DIAPH2: variants seen among roughly 807,000 people sequenced by gnomAD.
DIAPH2 encodes protein diaphanous homolog 2.
Under a neutral mutation model 92.7 loss-of-function variants are expected in DIAPH2, and 35 were observed. The observed-to-expected ratio is 0.38, with a 90% confidence interval of 0.29 to 0.50. The LOEUF is 0.50. Ranked by LOEUF, DIAPH2 falls within the 20% of genes least tolerant of loss-of-function variation. DIAPH2 has a pLI of 0.94. For missense variants in DIAPH2, 701 were observed against 819.5 expected (o/e 0.86, Z 1.77); for synonymous variants, 301 against 280.4 (o/e 1.07, Z -0.73).
At chrX:97,084,158 C>G (rs1347917305) in intron 19 of DIAPH2, among the ~76,000 whole-genome samples, 1 of 110,929 alleles carries the variant, frequency 9.0e-6, no homozygotes. Flanking sequence ...ATGGTAACGA[C>G]TTCTTCTCTG....
At chrX:96,743,709 G>A (rs1485030099) in intron 3 of DIAPH2, among the ~76,000 whole-genome samples, 1 of 111,377 alleles carries the variant, frequency 9.0e-6, no homozygotes, top group East Asian at 2.8e-4. Flanking sequence ...TGGGGAGAGG[G>A]GTAGGTTGAG....
rs1220087200 is a variant in DIAPH2 at position 97,424,830 on chromosome X, G to C, written c.3146-4820G>C. The stretch of plus-strand genomic sequence containing the variant: ...TGTAAAGATGGGGTTTCACCATGTT[G>C]TCCAGGCCAGTCTCAAACTCCTGAG... On this transcript the variant is annotated intron_variant, in intron 25 of 26. Transcript: ENST00000324765. Among the ~76,000 whole-genome samples the C allele has an allele frequency of 1.1e-4, 12 of 110,104 alleles. No homozygotes were observed. The East Asian group carries it at 3.4e-3, about 31-fold the overall frequency.
intron 17 of DIAPH2, among the ~76,000 whole-genome samples, chrX:96,968,628 A>G (rs1339482342): frequency 8.9e-6 from 1 of 111,908 alleles, no homozygotes; most frequent in East Asian, 2.8e-4. Context: ...GATTCTGGGT[A>G]TTAGACCTTT....
chrX:96,884,115 A>G (rs763700947), intron 5 of DIAPH2: 1 of 413,398 alleles, frequency 2.4e-6, no homozygotes, highest in African/African-American at 2.5e-5. Context: ...AAGCAGATGC[A>G]TTCTGGTAGT....
chrX:96,757,454 A>T (rs754255147), intron 3 of DIAPH2, among the ~76,000 whole-genome samples: 1 of 111,991 alleles, frequency 8.9e-6, no homozygotes, highest in Non-Finnish European at 1.9e-5. Flanking sequence ...GTGTCTTCAT[A>T]TGTCACAAGG....
At chrX:96,726,840 A>G (rs1000996596) in intron 1 of DIAPH2, among the ~76,000 whole-genome samples, 7 of 112,328 alleles carry the variant, frequency 6.2e-5, no homozygotes, top group African/African-American at 2.3e-4. Context: ...AAACAAGGCA[A>G]TGCCTGTAAA....
chrX:96,801,194 C>T (rs1282698420), intron 4 of DIAPH2, among the ~76,000 whole-genome samples: 1 of 112,245 alleles, frequency 8.9e-6, no homozygotes, highest in Non-Finnish European at 1.9e-5. Flanking sequence ...GCATATTGAA[C>T]AAGACACTCT....
At chrX:97,484,857 C>T (rs1402121498) in intron 26 of DIAPH2, among the ~76,000 whole-genome samples, 1 of 111,528 alleles carries the variant, frequency 9.0e-6, no homozygotes, top group Non-Finnish European at 1.9e-5. Flanking sequence ...TATCACGCCA[C>T]TGCACTCCAG....
intron 22 of DIAPH2, among the ~76,000 whole-genome samples, chrX:97,190,052 A>C (rs751986582): frequency 8.8e-6 from 1 of 113,387 alleles, no homozygotes; most frequent in African/African-American, 3.2e-5. Flanking sequence ...ATTAGTCTTA[A>C]ATAATGAAAA....
At chrX:97,110,476 G>A (rs973021854) in intron 20 of DIAPH2, among the ~76,000 whole-genome samples, 3 of 111,520 alleles carry the variant, frequency 2.7e-5, no homozygotes, top group Non-Finnish European at 3.8e-5. Flanking sequence ...AGAACATTTA[G>A]TCTATGTTAG....
At chrX:97,368,826 C>T (rs753291608) in intron 24 of DIAPH2, among the ~76,000 whole-genome samples, 37 of 107,700 alleles carry the variant, frequency 3.4e-4, no homozygotes, top group African/African-American at 1.2e-3. Flanking sequence ...CTGTAATAGG[C>T]TTATAGTTAA....
chrX:97,357,985 G>C (rs1258479191), intron 24 of DIAPH2, among the ~76,000 whole-genome samples: 1 of 111,576 alleles, frequency 9.0e-6, no homozygotes, highest in Non-Finnish European at 1.9e-5. Flanking sequence ...ACCTCATTTG[G>C]TGTTTAATTT....
At chrX:97,219,538 T>C (rs1187415965) in intron 22 of DIAPH2, among the ~76,000 whole-genome samples, 1 of 112,020 alleles carries the variant, frequency 8.9e-6, no homozygotes, top group Admixed American at 9.5e-5. Context: ...CCATTAAGTT[T>C]TATAAGTGCT....
At chrX:97,290,918 A>C (rs1213465800) in intron 23 of DIAPH2, among the ~76,000 whole-genome samples, 2 of 109,510 alleles carry the variant, frequency 1.8e-5, no homozygotes, top group Non-Finnish European at 3.8e-5. Flanking sequence ...CTACTAAAAT[A>C]CAAAAAAAGA....
At chrX:96,962,392 CACATATATAT>C (rs1569436597) in intron 16 of DIAPH2, among the ~76,000 whole-genome samples, 27 of 55,546 alleles carry the variant, frequency 4.9e-4, no homozygotes, top group African/African-American at 2.5e-3. Flanking sequence ...CATATATATA[CACATATATAT>C]ACACATATAT....
At chrX:96,728,053 A>AT (rs1321961128) in intron 1 of DIAPH2, among the ~76,000 whole-genome samples, 7 of 44,791 alleles carry the variant, frequency 1.6e-4, no homozygotes, top group African/African-American at 9.5e-4. Flanking sequence ...CAAAAAAAAA[A>AT]AAAGAAAAAA....
At chrX:96,971,416 CTGTGTG>C (rs972440687) in intron 17 of DIAPH2, among the ~76,000 whole-genome samples, 1 of 110,055 alleles carries the variant, frequency 9.1e-6, no homozygotes, top group Admixed American at 9.7e-5. Context: ...ACTTGATGCT[CTGTGTG>C]TGTGTGTATG....
Position 96,684,895 on chromosome X carries a change from C to T in DIAPH2, c.-164C>T. 1.7e-6 allele frequency: 1 copy of T among 587,994 alleles called. No individual in the cohort carries two copies. The allele number at this position is 587,994 out of a possible 1,213,427, so 48.5% of individuals were successfully genotyped here. On this transcript the variant is annotated 5_prime_UTR_variant, in exon 1 of 27. Coordinates refer to ENST00000324765, the MANE Select transcript of DIAPH2 (RefSeq NM_006729.5). ...TGGTTGCGTCGGGGGTGCCTGGGAG[C>T]CTGGAGTCCCGGGGGCCTGAAATCG...
chrX:97,137,681 CAG>C (rs1370447149), intron 21 of DIAPH2, among the ~76,000 whole-genome samples: 1 of 110,488 alleles, frequency 9.1e-6, no homozygotes, highest in Non-Finnish European at 1.9e-5. Context: ...TGCAAAAGCA[CAG>C]TGGCATGAAA....
Sources: allele counts gnomAD v4.1 joint callset (sites outside exome capture counted in the v4.1 genomes callset), GRCh38; gene constraint gnomAD v4.1.1; transcripts MANE v1.5; gene names NCBI Gene and HGNC (gene_info 2026-07-23, HGNC 2026-07-21).